ELMO1: variants seen among roughly 807,000 people sequenced by gnomAD.
The protein encoded by ELMO1 is engulfment and cell motility protein 1.
ELMO1 carries 26 observed loss-of-function variants against 98.9 expected under a neutral mutation model. The ratio of observed to expected loss-of-function variants is 0.26; its 90% CI spans 0.19 to 0.36. The LOEUF is 0.36. Among genes scored for constraint, ELMO1 ranks in the 10% least tolerant of loss-of-function variants. ELMO1 has a pLI of 1.00. For synonymous variants in ELMO1, 346 were observed against 346.0 expected, an observed-to-expected ratio of 1.00 and a Z score of 0.00; for missense variants, 627 against 935.2, an observed-to-expected ratio of 0.67 and a Z score of 4.30.
chr7:37,419,947 T>A (rs1312982909), intron 1 of ELMO1, among the ~76,000 whole-genome samples: 1 of 152,242 alleles, frequency 6.6e-6, no homozygotes, highest in Non-Finnish European at 1.5e-5. Flanking sequence ...GCATTTTCCC[T>A]TGCACAAAAC....
chr7:37,098,777 G>A (rs1784490919), intron 14 of ELMO1, among the ~76,000 whole-genome samples: 1 of 152,070 alleles, frequency 6.6e-6, no homozygotes, highest in Non-Finnish European at 1.5e-5. Flanking sequence ...TAAATATTTT[G>A]TATCTGAGAC....
intron 16 of ELMO1, among the ~76,000 whole-genome samples, chr7:36,964,578 A>T (rs186169710): frequency 1.1e-3 from 168 of 152,336 alleles, no homozygotes; most frequent in African/African-American, 3.6e-3. Flanking sequence ...TTAGTAGTAG[A>T]TGTTTCTTTC....
intron 14 of ELMO1, among the ~76,000 whole-genome samples, chr7:37,116,290 G>A (rs1049477368): frequency 2.6e-5 from 4 of 152,154 alleles, no homozygotes; most frequent in Non-Finnish European, 4.4e-5. Context: ...ATTTAAAGGT[G>A]GAAGCTTGGT....
chr7:37,061,106 T>C (rs1353195304), intron 15 of ELMO1, among the ~76,000 whole-genome samples: 1 of 152,222 alleles, frequency 6.6e-6, no homozygotes, highest in African/African-American at 2.4e-5. Context: ...TTGTCACTGA[T>C]AGAACAGAGT....
rs200427904 is a variant in ELMO1 at position 36,887,549 on chromosome 7, A to C, written c.1714+11T>G. On this transcript the variant is annotated intron_variant, in intron 18 of 21. Transcript: ENST00000310758. ...CCCTATCCAAGTTTGGAGTGTCCCC[A>C]GAAACAATACCTTGCCTCCGCCGGG... 1 of 1,613,788 alleles carries C rather than the reference A, an allele frequency of 6.2e-7. No homozygotes were observed.
chr7:37,165,550 C>T (rs376195960), intron 13 of ELMO1, among the ~76,000 whole-genome samples: 3,831 of 151,758 alleles, frequency 0.025, 95 homozygotes, highest in African/African-American at 0.069. Context: ...GCATGAAGGG[C>T]TGTTGAATTT....
At chr7:36,985,256 A>C (rs564983966) in intron 16 of ELMO1, 44 of 283,846 alleles carry the variant, frequency 1.6e-4, no homozygotes, top group African/African-American at 8.9e-4. Flanking sequence ...GAAAGGATGC[A>C]AAATAGAGTC....
chr7:36,959,546 A>T (rs1414034127), intron 16 of ELMO1, among the ~76,000 whole-genome samples: 1 of 150,884 alleles, frequency 6.6e-6, no homozygotes, highest in Non-Finnish European at 1.5e-5. Flanking sequence ...TCCATTTCTC[A>T]CCCCTCTGCC....
chr7:36,901,798 CA>C lies in ELMO1; in HGVS notation c.1438-6782del, dbSNP rs140482415. Among the ~76,000 whole-genome samples, 15 of 149,322 alleles carry C rather than the reference CA, an allele frequency of 1.0e-4. No homozygotes were observed. The East Asian group carries it at 1.6e-3, about 15-fold the overall frequency. On this transcript the variant is annotated intron_variant, in intron 16 of 21. Coordinates refer to ENST00000310758, the MANE Select transcript of ELMO1 (RefSeq NM_014800.11). Reference sequence around the variant, plus strand: ...GAATCACAGTCCTAGACATCTTATCCAAAAAAAAAATAATCCCCTCGCAGCT... The same window carrying C: ...GAATCACAGTCCTAGACATCTTATCCAAAAAAAAATAATCCCCTCGCAGCT...
chr7:36,917,685 C>A (rs903122738), intron 16 of ELMO1, among the ~76,000 whole-genome samples: 3 of 152,224 alleles, frequency 2.0e-5, no homozygotes, highest in African/African-American at 7.2e-5. Context: ...TTAAGTAAAA[C>A]AATCTGAAAT....
chr7:37,107,462 G>C (rs1785014035), intron 14 of ELMO1, among the ~76,000 whole-genome samples: 1 of 152,158 alleles, frequency 6.6e-6, no homozygotes, highest in Non-Finnish European at 1.5e-5. Flanking sequence ...TAATTACAAT[G>C]GGAAAATGGA....
chr7:37,085,922 T>TGTCG (rs1783742717), intron 15 of ELMO1, among the ~76,000 whole-genome samples: 1 of 152,210 alleles, frequency 6.6e-6, no homozygotes, highest in Non-Finnish European at 1.5e-5. Context: ...ACCACTGGGA[T>TGTCG]TTTAGGAAAA....
chr7:37,013,524 C>A, intron 15 of ELMO1, 89 bp from the exon 16 acceptor site: 1 of 1,451,030 alleles, frequency 6.9e-7, no homozygotes, highest in South Asian at 1.3e-5. Flanking sequence ...CAAAGGGAGA[C>A]AAGCGGAGGT....
chr7:37,286,500 G>A (rs768925444), intron 4 of ELMO1, among the ~76,000 whole-genome samples: 11 of 152,172 alleles, frequency 7.2e-5, no homozygotes, highest in Non-Finnish European at 1.5e-4. Flanking sequence ...AAGACAGTCA[G>A]ACCCACACCA....
chr7:37,296,821 T>A (rs942192728), intron 4 of ELMO1, among the ~76,000 whole-genome samples: 1 of 152,200 alleles, frequency 6.6e-6, no homozygotes, highest in South Asian at 2.1e-4. Context: ...TCCTTTCTTA[T>A]AATAAATACT....
chr7:37,391,950 T>C (rs949208147), intron 1 of ELMO1, among the ~76,000 whole-genome samples: 1 of 152,192 alleles, frequency 6.6e-6, no homozygotes, highest in African/African-American at 2.4e-5. Context: ...GAAAGAGAAC[T>C]GTAATCTCCA....
At chr7:37,376,641 A>G (rs1802359534) in intron 1 of ELMO1, among the ~76,000 whole-genome samples, 1 of 152,158 alleles carries the variant, frequency 6.6e-6, no homozygotes, top group Non-Finnish European at 1.5e-5. Context: ...CTGTGAGTTC[A>G]TCTACAACCA....
intron 13 of ELMO1, among the ~76,000 whole-genome samples, chr7:37,169,978 T>C (rs1017260381): frequency 6.6e-6 from 1 of 152,204 alleles, no homozygotes; most frequent in African/African-American, 2.4e-5. Context: ...CTCTGCTCAC[T>C]GCAACCTCCA....
At chr7:37,331,993 T>C (rs1800151948) in intron 2 of ELMO1, among the ~76,000 whole-genome samples, 1 of 152,116 alleles carries the variant, frequency 6.6e-6, no homozygotes, top group African/African-American at 2.4e-5. Context: ...TGGTTGTTTA[T>C]ACAGGTCAGG....
Sources: gnomAD v4.1 joint callset for allele counts (sites outside exome capture counted in the v4.1 genomes callset) on GRCh38, gnomAD v4.1.1 for gene constraint, MANE v1.5 for transcripts, NCBI Gene and HGNC (gene_info 2026-07-23, HGNC 2026-07-21) for gene names.